Variants in SNX29 observed in about 807,000 individuals in gnomAD.
The protein encoded by SNX29 is sorting nexin-29.
SNX29 carries 78 observed loss-of-function variants against 102.1 expected under a neutral mutation model. The observed-to-expected ratio is 0.76, with a 90% CI of 0.64 to 0.92. SNX29 has a LOEUF of 0.92. Ranked by LOEUF, SNX29 falls within the 40% of genes least tolerant of loss-of-function variation. The pLI, the probability that SNX29 is intolerant of heterozygous loss-of-function variation, is 0.00. For synonymous variants in SNX29, 580 were observed against 414.5 expected (o/e 1.40, Z -4.85); for missense variants, 1,280 against 1,061.7 (o/e 1.21, Z -2.86).
intron 14 of SNX29, among the ~76,000 whole-genome samples, chr16:12,204,553 T>C (rs1442193454): frequency 6.6e-6 from 1 of 152,170 alleles, no homozygotes; most frequent in Non-Finnish European, 1.5e-5. Context: ...GGCATCCCCA[T>C]TTAATTAATC....
chr16:12,152,499 C>G (rs1338875981), intron 13 of SNX29, among the ~76,000 whole-genome samples: 2 of 152,182 alleles, frequency 1.3e-5, no homozygotes, highest in African/African-American at 4.8e-5. Flanking sequence ...AAACCCTGCC[C>G]TATCTTAGCT....
intron 14 of SNX29, among the ~76,000 whole-genome samples, chr16:12,237,885 G>A (rs1057215856): frequency 2.0e-5 from 3 of 152,154 alleles, no homozygotes; most frequent in African/African-American, 7.2e-5. Context: ...TCCAGCCTGG[G>A]CAACAAGAGT....
At chr16:12,458,196 C>T (rs1329760294) in intron 18 of SNX29, among the ~76,000 whole-genome samples, 2 of 152,178 alleles carry the variant, frequency 1.3e-5, no homozygotes, top group Admixed American at 1.3e-4. Context: ...GAAGTGGCAG[C>T]CACGTTCCAT....
At chr16:12,347,382 A>G (rs2081845195) in intron 15 of SNX29, among the ~76,000 whole-genome samples, 1 of 152,100 alleles carries the variant, frequency 6.6e-6, no homozygotes, top group South Asian at 2.1e-4. Context: ...AGCCGTCCCC[A>G]CAGCAGAACC....
At chr16:12,072,632 T>C (rs2051356279) in intron 10 of SNX29, among the ~76,000 whole-genome samples, 1 of 152,182 alleles carries the variant, frequency 6.6e-6, no homozygotes, top group South Asian at 2.1e-4. Context: ...AAATTCTCTT[T>C]TTTGGTTGTG....
At chr16:12,398,026 G>A (rs2083781380) in intron 16 of SNX29, among the ~76,000 whole-genome samples, 1 of 152,210 alleles carries the variant, frequency 6.6e-6, no homozygotes, top group African/African-American at 2.4e-5. Context: ...CCTTGTGGGG[G>A]TGACATTGGC....
chr16:11,996,060 A>G (rs2056060158), intron 1 of SNX29, among the ~76,000 whole-genome samples: 1 of 150,728 alleles, frequency 6.6e-6, no homozygotes, highest in Admixed American at 6.6e-5. Context: ...ACTCCGTCTC[A>G]GAAAAAAAAA....
chr16:12,570,233 G>A lies in SNX29; in HGVS notation c.*1604G>A, dbSNP rs11646611. ...CCTGGGGCCAGATAAGCCCTGCCCC[G>A]GTGAGACCAAATGAGCTGGAGCATG... On this transcript the variant is annotated 3_prime_UTR_variant, in exon 21 of 21. Transcript: ENST00000566228. 147,826 of 1,064,838 alleles carry A rather than the reference G, an allele frequency of 0.14. 10,762 individuals are homozygous for A. Among genetic ancestry groups the A allele is most frequent in the Middle Eastern group, 0.15 (359 of 2,402 alleles). 66.0% of individuals were successfully genotyped at this position (1,064,838 alleles called of 1,614,324 possible).
At chr16:12,243,073 C>G (rs566694846) in intron 14 of SNX29, among the ~76,000 whole-genome samples, 4 of 152,322 alleles carry the variant, frequency 2.6e-5, no homozygotes, top group East Asian at 3.9e-4. Flanking sequence ...CGTGTCCTGG[C>G]CTGTGGGCTG....
In SNX29 at chr16:12,573,244, T is replaced by C. The variant is rs1301670949; in HGVS notation, c.*4615T>C. ...AGTTCATCCCATGGTTGTTGAAATG[T>C]ACCTCGATCAGTCATCTCTGGTATT... On this transcript the variant is annotated 3_prime_UTR_variant, in exon 21 of 21. Coordinates refer to ENST00000566228, the MANE Select transcript of SNX29 (RefSeq NM_032167.5). The C allele has an allele frequency of 8.8e-6, 2 of 226,932 alleles. No homozygotes were observed. The highest frequency in any genetic ancestry group is 1.8e-5 in the Non-Finnish European group (2 of 114,268). The allele number at this position is 226,932 out of a possible 1,614,324, so 14.1% of individuals were successfully genotyped here. A position where few individuals can be genotyped will look rare whatever the true frequency, so the allele number is the denominator to read the frequency against.
intron 15 of SNX29, among the ~76,000 whole-genome samples, chr16:12,293,058 T>C (rs921154306): frequency 6.6e-6 from 1 of 152,268 alleles, no homozygotes; most frequent in African/African-American, 2.4e-5. Context: ...TTAATAAGCA[T>C]GTACTATGTG....
chr16:12,288,678 GAAAAAAAAA>G (rs532173454), intron 15 of SNX29, among the ~76,000 whole-genome samples: 1 of 107,010 alleles, frequency 9.3e-6, no homozygotes, highest in Non-Finnish European at 2.0e-5. Context: ...GACATCTGGG[GAAAAAAAAA>G]AAAAAAAAAA....
intron 18 of SNX29, among the ~76,000 whole-genome samples, chr16:12,460,871 C>G (rs59393627): frequency 6.6e-6 from 1 of 152,142 alleles, no homozygotes; most frequent in Non-Finnish European, 1.5e-5. Context: ...GTTGGCCAGG[C>G]TGGTCTCGAA....
chr16:12,351,166 A>G (rs1011107117), intron 15 of SNX29, among the ~76,000 whole-genome samples: 1 of 152,154 alleles, frequency 6.6e-6, no homozygotes, highest in African/African-American at 2.4e-5. Flanking sequence ...TAGGAATTAC[A>G]TGAGCTGGTG....
At chr16:12,378,763 A>G (rs879323817) in intron 16 of SNX29, among the ~76,000 whole-genome samples, 84 of 152,166 alleles carry the variant, frequency 5.5e-4, no homozygotes, top group Admixed American at 3.9e-4. Context: ...GAAACCTGGT[A>G]CATTTCTGCC....
chr16:12,364,688 A>G (rs2082409915), intron 16 of SNX29, among the ~76,000 whole-genome samples: 1 of 152,120 alleles, frequency 6.6e-6, no homozygotes, highest in Non-Finnish European at 1.5e-5. Flanking sequence ...GTGGATGCAA[A>G]CACGAGCTCA....
intron 2 of SNX29, among the ~76,000 whole-genome samples, chr16:12,001,147 T>C (rs566221789): frequency 2.0e-5 from 3 of 152,284 alleles, no homozygotes; most frequent in African/African-American, 7.2e-5. Flanking sequence ...AGTCTAGCTC[T>C]GTCGCCCGGG....
intron 20 of SNX29, among the ~76,000 whole-genome samples, chr16:12,538,263 C>G (rs573480261): frequency 6.6e-6 from 1 of 152,136 alleles, no homozygotes; most frequent in African/African-American, 2.4e-5. Context: ...TTACAGGGAT[C>G]TGCCACCACA....
chr16:12,413,521 T>G (rs932697150), intron 18 of SNX29, among the ~76,000 whole-genome samples: 3 of 151,952 alleles, frequency 2.0e-5, no homozygotes, highest in Non-Finnish European at 4.4e-5. Context: ...GGAAGGATAC[T>G]GTGGAGAAGG....
Sources: gnomAD v4.1 joint callset for allele counts (sites outside exome capture counted in the v4.1 genomes callset) on GRCh38, gnomAD v4.1.1 for gene constraint, MANE v1.5 for transcripts, NCBI Gene and HGNC (gene_info 2026-07-23, HGNC 2026-07-21) for gene names.